Variants in ZSCAN10 observed in about 807,000 individuals in gnomAD.
ZSCAN10 encodes the protein zinc finger and SCAN domain-containing protein 10.
Under a neutral mutation model 63.7 loss-of-function variants are expected in ZSCAN10, and 52 were observed. The ratio of observed to expected loss-of-function variants is 0.82; its 90% CI spans 0.65 to 1.03. The LOEUF (loss-of-function observed/expected upper bound fraction) is 1.03, where lower values mean the gene tolerates loss of function less well. Ranked by LOEUF, ZSCAN10 falls within the 50% of genes least tolerant of loss-of-function variation. The pLI, the probability that ZSCAN10 is intolerant of heterozygous loss-of-function variation, is 0.00. For missense variants in ZSCAN10, 1,223 were observed against 1,103.8 expected, an observed-to-expected ratio of 1.11 and a Z score of -1.53; for synonymous variants, 544 against 479.6, an observed-to-expected ratio of 1.13 and a Z score of -1.76.
Position 3,089,858 on chromosome 16 carries a change from C to G in ZSCAN10, c.1576G>C (p.Asp526His), listed in dbSNP as rs1374242695. 1 of 1,541,894 alleles carries G rather than the reference C, an allele frequency of 6.5e-7. No homozygotes were observed. Among genetic ancestry groups the G allele is most frequent in the Non-Finnish European group, 8.7e-7 (1 of 1,149,266 alleles). The change falls in exon 6 of 6, where the codon GAC (aspartate) becomes CAC (histidine). Residue 526 changes from aspartate (D) to histidine (H), a missense_variant. By Grantham distance (81) the Asp-to-His change is moderately conservative. Transcript: ENST00000576985. ...CTGCGCCGGAAGGCCTTGCCGCAGT[C>G]GCTGCACACGAAGGGCCTCCGGTCG... ...DSDRRPFVCSDCGKAFRRSEH... is the reference protein window; with the variant it reads ...DSDRRPFVCSHCGKAFRRSEH...
At chr16:3,091,518 T>C in intron 5 of ZSCAN10, 22 bp downstream of exon 5, 1 of 1,613,718 alleles carries the variant, frequency 6.2e-7, no homozygotes, top group Non-Finnish European at 8.5e-7. Context: ...AGTGGTCACT[T>C]CTCCAGGGAA....
Position 3,091,616 on chromosome 16 carries a change from C to T in ZSCAN10, c.730-19G>A, listed in dbSNP as rs201671954. 1.2e-5 allele frequency: 20 copies of T among 1,614,066 alleles called. No individual in the cohort carries two copies. The highest frequency in any genetic ancestry group is 1.7e-5 in the Admixed American group (1 of 60,000). ...GGCACTCCTGTATCAAGAGCAGAAA[C>T]CCTTGGTGAGTGAGGAACATGCCTC... On this transcript the variant is annotated intron_variant, in intron 4 of 5. Transcript: ENST00000576985.
chr16:3,089,046 C>G lies in ZSCAN10; in HGVS notation c.*45G>C. 6.9e-7 allele frequency: 1 copy of G among 1,448,652 alleles called. No homozygotes were observed. The highest frequency in any genetic ancestry group is 9.0e-7 in the Non-Finnish European group (1 of 1,111,878). The allele number at this position is 1,448,652 out of a possible 1,614,324, so 89.7% of individuals were successfully genotyped here. A position where few individuals can be genotyped will look rare whatever the true frequency, so the allele number is the denominator to read the frequency against. On this transcript the variant is annotated 3_prime_UTR_variant, in exon 6 of 6. Transcript: ENST00000576985. ...CCTGCAGGCCTCCGCTGTGGAGGAC[C>G]CCGGGTAGGTGGCGCAGGGCGCGGC...
intron 1 of ZSCAN10, 85 bp from the exon 2 acceptor site, chr16:3,093,089 T>A: frequency 2.9e-6 from 3 of 1,034,826 alleles, no homozygotes; most frequent in East Asian, 3.2e-5. Flanking sequence ...AGACACCCAA[T>A]ACGCAGACCC....
chr16:3,091,523 A>T lies in ZSCAN10; in HGVS notation c.787+17T>A. ...AAGAGGCATCAGTGGTCACTTCTCC[A>T]GGGAAGGGTTGCTTACCCAGGGGGT... On this transcript the variant is annotated intron_variant, in intron 5 of 5. Transcript: ENST00000576985. 1 of 1,613,926 alleles carries T rather than the reference A, an allele frequency of 6.2e-7. No individual in the cohort carries two copies. The highest frequency in any genetic ancestry group is 8.5e-7 in the Non-Finnish European group (1 of 1,179,824).
chr16:3,092,549 C>T lies in ZSCAN10; in HGVS notation c.389G>A (p.Gly130Glu). The T allele has an allele frequency of 6.5e-7, 1 of 1,528,814 alleles. No homozygotes were observed. Among genetic ancestry groups the T allele is most frequent in the Non-Finnish European group, 8.8e-7 (1 of 1,139,276 alleles). The allele number at this position is 1,528,814 out of a possible 1,614,324, so 94.7% of individuals were successfully genotyped here. Reference protein sequence around the residue: ...EGIHREPSHAGPLDFSCNAGK... With the variant: ...EGIHREPSHAEPLDFSCNAGK... Reference sequence around the variant, plus strand: ...GCTGCCCCACCCTCTCACCAGCGGCCCCGCGTGGCTGGGCTCCCGGTGGAT... The same window carrying T: ...GCTGCCCCACCCTCTCACCAGCGGCTCCGCGTGGCTGGGCTCCCGGTGGAT... The change falls in exon 2 of 6, where the codon GGG (glycine) becomes GAG (glutamate). Residue 130 changes from glycine to glutamate, a missense_variant. Transcript: ENST00000576985.
intron 1 of ZSCAN10, among the ~76,000 whole-genome samples, chr16:3,095,340 A>AC (rs1252244572): frequency 7.9e-5 from 12 of 151,356 alleles, no homozygotes; most frequent in Non-Finnish European, 1.5e-4. Flanking sequence ...ACATGGTGAA[A>AC]CCCCGTCTCT....
rs960104124 is a variant in ZSCAN10 at position 3,089,244 on chromosome 16, C to T, written c.2190G>A (p.Gly730=). Reference sequence around the variant, plus strand: ...GATTGCAGCTGCGGCTGAAGCTCTTCCCGCACTCCACGCACTCCTGCGGGG... The same window carrying T: ...GATTGCAGCTGCGGCTGAAGCTCTTTCCGCACTCCACGCACTCCTGCGGGG... ...AEPPQECVEC[G]KSFSRSCNLL... Residue 730 remains glycine, a synonymous_variant, in exon 6 of 6, where the codon GGG becomes GGA. Coordinates refer to ENST00000576985, the MANE Select transcript of ZSCAN10 (RefSeq NM_032805.3). 2.5e-6 allele frequency: 4 copies of T among 1,579,208 alleles called. No homozygotes were observed. Among genetic ancestry groups the T allele is most frequent in the Non-Finnish European group, 2.6e-6 (3 of 1,170,222 alleles).
Position 3,089,890 on chromosome 16 carries a change from C to G in ZSCAN10, c.1544G>C (p.Arg515Pro), listed in dbSNP as rs774537621. 1.3e-6 allele frequency: 2 copies of G among 1,535,170 alleles called. No individual in the cohort carries two copies. Among genetic ancestry groups the G allele is most frequent in the East Asian group, 4.9e-5 (2 of 40,828 alleles). Residue 515 changes from arginine (R) to proline (P), a missense_variant, in exon 6 of 6, where the codon CGG becomes CCG. By Grantham distance (103) the Arg-to-Pro change is moderately radical. Coordinates refer to ENST00000576985, the MANE Select transcript of ZSCAN10 (RefSeq NM_032805.3). The part of the protein sequence containing the change: ...RSSEGSGSRR[R>P]DSDRRPFVCS... ...CACGAAGGGCCTCCGGTCGGAGTCCCGGCGGCGGCTGCCGGAGCCTTCGGA... is the reference window on the plus strand; with the variant it reads ...CACGAAGGGCCTCCGGTCGGAGTCCGGGCGGCGGCTGCCGGAGCCTTCGGA...
intron 5 of ZSCAN10, among the ~76,000 whole-genome samples, chr16:3,090,970 T>A (rs957827796): frequency 6.6e-6 from 1 of 151,370 alleles, no homozygotes; most frequent in African/African-American, 2.4e-5. Flanking sequence ...CTCGGGAGGC[T>A]GAGGCAGGAG....
rs1567166436 is a variant in ZSCAN10 at position 3,091,617 on chromosome 16, C to T, written c.730-20G>A. 1 of 1,614,112 alleles carries T rather than the reference C, an allele frequency of 6.2e-7. No homozygotes were observed. The highest frequency in any genetic ancestry group is 8.5e-7 in the Non-Finnish European group (1 of 1,179,976). On this transcript the variant is annotated intron_variant, in intron 4 of 5. Transcript: ENST00000576985. ...GCACTCCTGTATCAAGAGCAGAAAC[C>T]CTTGGTGAGTGAGGAACATGCCTCA...
In ZSCAN10 at chr16:3,090,251, T is replaced by G. The variant is rs1219281728; in HGVS notation, c.1183A>C (p.Met395Leu). 5 of 1,608,328 alleles carry G rather than the reference T, an allele frequency of 3.1e-6. No individual in the cohort carries two copies. The highest frequency in any genetic ancestry group is 4.2e-6 in the Non-Finnish European group (5 of 1,179,636). ...GGCCGCTCGTCCGTGTGAGTGCGCA[T>G]GTGCAGCTTGAGAATGGAGCTGCGG... ...FGRSSILKLH[M>L]RTHTDERPHA... Residue 395 changes from methionine (M) to leucine (L), a missense_variant, in exon 6 of 6, where the codon ATG (methionine) becomes CTG (leucine). Physicochemically the swap from Met to Leu is conservative, Grantham distance 15. Coordinates refer to ENST00000576985, the MANE Select transcript of ZSCAN10 (RefSeq NM_032805.3).
In ZSCAN10 at chr16:3,090,321, CG is replaced by C; in HGVS notation, c.1112del (p.Pro371ArgfsTer49). On this transcript the variant is annotated frameshift_variant, in exon 6 of 6. Transcript: ENST00000576985. LOFTEE classifies it high-confidence loss of function. Reference sequence around the variant, plus strand: ...AAAGGCACAGGAAGGAGCGCCCAGCCGGGTGCGAGCGCAGCTGGTGCGCCTT... The same window carrying C: ...AAAGGCACAGGAAGGAGCGCCCAGCCGGTGCGAGCGCAGCTGGTGCGCCTT... ...RLKAHQLRSHPAGRSFLCLCC... is the reference protein window; with the variant it reads ...RLKAHQLRSHXAGRSFLCLCC... The C allele has an allele frequency of 6.2e-7, 1 of 1,609,578 alleles. No individual in the cohort carries two copies. The highest frequency in any genetic ancestry group is 8.5e-7 in the Non-Finnish European group (1 of 1,178,466).
chr16:3,088,892 T>G lies in ZSCAN10; in HGVS notation c.*199A>C. On this transcript the variant is annotated 3_prime_UTR_variant, in exon 6 of 6. Coordinates refer to ENST00000576985, the MANE Select transcript of ZSCAN10 (RefSeq NM_032805.3). The stretch of plus-strand genomic sequence containing the variant: ...TGTAAAGAAATAAAGAGGGGCCATT[T>G]TGGAGAAGGCCATTTTACTTCGGGC... 1 of 1,093,228 alleles carries G rather than the reference T, an allele frequency of 9.1e-7. No individual in the cohort carries two copies. The highest frequency in any genetic ancestry group is 1.2e-6 in the Non-Finnish European group (1 of 830,712). 67.7% of individuals were successfully genotyped at this position (1,093,228 alleles called of 1,614,324 possible). A position where few individuals can be genotyped will look rare whatever the true frequency, so the allele number is the denominator to read the frequency against.
Position 3,091,818 on chromosome 16 carries a change from G to A in ZSCAN10, c.675C>T (p.Gly225=), listed in dbSNP as rs765051866. The change falls in exon 4 of 6, where the codon GGC becomes GGT. Residue 225 remains glycine (G), a synonymous_variant. Transcript: ENST00000576985. ...FQALQESSPQ[G]PSPWPEESSR... ...AACTCTCCTCTGGCCATGGTGAGGG[G>A]CCCTGGGGACCTGACGGCATTGGGG... The A allele has an allele frequency of 1.9e-6, 3 of 1,572,338 alleles. No individual in the cohort carries two copies. Among genetic ancestry groups the A allele is most frequent in the Non-Finnish European group, 2.6e-6 (3 of 1,158,672 alleles).
Position 3,099,260 on chromosome 16 carries a change from C to G in ZSCAN10, c.-138G>C, listed in dbSNP as rs1051075723. ...TGAGGACTCCAGGGCCAAAGCCAGC[C>G]TCCGCCAGCCTGGGGAAGGGCTCTG... is the stretch of plus-strand genomic sequence containing the variant. On this transcript the variant is annotated 5_prime_UTR_variant, in exon 1 of 6. Coordinates refer to ENST00000576985, the MANE Select transcript of ZSCAN10 (RefSeq NM_032805.3). The G allele has an allele frequency of 2.6e-5, 4 of 152,498 alleles. No individual in the cohort carries two copies. The highest frequency in any genetic ancestry group is 9.6e-5 in the African/African-American group (4 of 41,468). The allele number at this position is 152,498 out of a possible 1,614,324, so 9.4% of individuals were successfully genotyped here. A position where few individuals can be genotyped will look rare whatever the true frequency, so the allele number is the denominator to read the frequency against.
rs1488796864 is a variant in ZSCAN10, at chr16:3,090,276, G to A, written c.1158C>T (p.Gly386=). The A allele has an allele frequency of 6.2e-7, 1 of 1,608,898 alleles. No individual in the cohort carries two copies. The highest frequency in any genetic ancestry group is 1.7e-5 in the Admixed American group (1 of 59,792). Residue 386 remains glycine (G), a synonymous_variant, in exon 6 of 6, where the codon GGC becomes GGT. Coordinates refer to ENST00000576985, the MANE Select transcript of ZSCAN10 (RefSeq NM_032805.3). ...FLCLCCGKSF[G]RSSILKLHMR... The stretch of plus-strand genomic sequence containing the variant: ...TGTGCAGCTTGAGAATGGAGCTGCG[G>A]CCGAAGCTCTTCCCGCAGCAAAGGC...
chr16:3,089,897 G>C lies in ZSCAN10; in HGVS notation c.1537C>G (p.Arg513Gly). The change falls in exon 6 of 6, where the codon CGC becomes GGC. Residue 513 changes from arginine to glycine, a missense_variant. Arg to Gly is a moderately radical substitution (Grantham distance 125). Transcript: ENST00000576985. ...GGCCTCCGGTCGGAGTCCCGGCGGC[G>C]GCTGCCGGAGCCTTCGGAGGACCGG... ...DRRSSEGSGS[R>G]RRDSDRRPFV... is the part of the protein sequence containing the mutation. The C allele has an allele frequency of 6.5e-7, 1 of 1,535,170 alleles. No homozygotes were observed. The highest frequency in any genetic ancestry group is 8.7e-7 in the Non-Finnish European group (1 of 1,145,292).
rs372990057 is a variant in ZSCAN10 at position 3,089,970 on chromosome 16, G to T, written c.1464C>A (p.Arg488=). Residue 488 remains arginine, a synonymous_variant, in exon 6 of 6, where the codon CGC becomes CGA. Coordinates refer to ENST00000576985, the MANE Select transcript of ZSCAN10 (RefSeq NM_032805.3). The part of the protein sequence containing the change: ...CSHCGQSFQR[R]SSLKRHLRIH... ...TCCGCAGGTGGCGCTTGAGGCTGGA[G>T]CGGCGCTGGAAGCTCTGGCCGCAGT... The T allele has an allele frequency of 1.1e-4, 168 of 1,545,128 alleles. 2 individuals carry two copies. The East Asian group carries it at 3.2e-3, about 29-fold the overall frequency.
Sources: gnomAD v4.1 joint callset for allele counts (sites outside exome capture counted in the v4.1 genomes callset) on GRCh38, gnomAD v4.1.1 for gene constraint, MANE v1.5 for transcripts, NCBI Gene and HGNC (gene_info 2026-07-23, HGNC 2026-07-21) for gene names.